Variants in PDS5B observed in about 807,000 individuals in gnomAD.
The protein encoded by PDS5B is PDS5 cohesin associated factor B.
PDS5B carries 51 observed loss-of-function variants against 184.1 expected under a neutral mutation model. The ratio of observed to expected loss-of-function variants is 0.28; its 90% CI spans 0.22 to 0.35. The LOEUF (loss-of-function observed/expected upper bound fraction) is 0.35, where lower values mean the gene tolerates loss of function less well. Ranked by LOEUF, PDS5B falls within the 10% of genes least tolerant of loss-of-function variation. The pLI is 1.00. For synonymous variants in PDS5B, 566 were observed against 569.2 expected (o/e 0.99, Z 0.08); for missense variants, 1,180 against 1,723.3 (o/e 0.68, Z 5.58).
chr13:32,683,103 C>T (rs1951291455), intron 10 of PDS5B, among the ~76,000 whole-genome samples: 1 of 152,078 alleles, frequency 6.6e-6, no homozygotes. Context: ...ACCTCCACCT[C>T]CTGGGTTCAA....
intron 1 of PDS5B, among the ~76,000 whole-genome samples, chr13:32,609,605 C>T (rs959272672): frequency 2.0e-5 from 3 of 152,202 alleles, no homozygotes; most frequent in Admixed American, 6.5e-5. Context: ...TGACTTTAAC[C>T]ATAGTCCATG....
chr13:32,735,386 T>C (rs1432041244), intron 21 of PDS5B, 56 bp downstream of exon 21: 5 of 1,247,082 alleles, frequency 4.0e-6, no homozygotes, highest in South Asian at 1.5e-5. Flanking sequence ...TGCAATTTTA[T>C]CCAACAAGGA....
chr13:32,624,521 GATTTC>G (rs1244504847), intron 1 of PDS5B, among the ~76,000 whole-genome samples: 1 of 152,068 alleles, frequency 6.6e-6, no homozygotes, highest in African/African-American at 2.4e-5. Context: ...CTGATTTTGT[GATTTC>G]ATTTTTAAAA....
intron 19 of PDS5B, among the ~76,000 whole-genome samples, chr13:32,727,766 C>T (rs148861006): frequency 0.011 from 1,681 of 151,694 alleles, 32 homozygotes; most frequent in African/African-American, 0.039. Flanking sequence ...AATGGTTTAT[C>T]TTTTTTCTGC....
intron 23 of PDS5B, among the ~76,000 whole-genome samples, chr13:32,743,362 G>A (rs189518962): frequency 6.6e-6 from 1 of 152,094 alleles, no homozygotes; most frequent in East Asian, 1.9e-4. Context: ...GGCTCATCTA[G>A]CTGTTATGAT....
chr13:32,645,895 T>C (rs1200678408), intron 1 of PDS5B, among the ~76,000 whole-genome samples: 1 of 152,156 alleles, frequency 6.6e-6, no homozygotes, highest in African/African-American at 2.4e-5. Flanking sequence ...TGTCATAGAT[T>C]AGGTTTCTCT....
chr13:32,762,262 C>T (rs939220754), intron 30 of PDS5B, among the ~76,000 whole-genome samples: 4 of 152,166 alleles, frequency 2.6e-5, no homozygotes, highest in African/African-American at 9.7e-5. Context: ...TAAACTGCCA[C>T]TATTTATTGA....
chr13:32,732,043 A>C, intron 19 of PDS5B, 58 bp from the exon 20 acceptor site: 1 of 1,413,188 alleles, frequency 7.1e-7, no homozygotes, highest in Non-Finnish European at 9.8e-7. Context: ...TAAAGTATCT[A>C]GCAGAAGTCT....
intron 9 of PDS5B, among the ~76,000 whole-genome samples, chr13:32,677,732 C>G (rs1433985339): frequency 6.6e-6 from 1 of 150,978 alleles, no homozygotes; most frequent in African/African-American, 2.4e-5. Context: ...AAGACTTTTT[C>G]CCACTCCTTT....
rs138850221 is a variant in PDS5B at position 32,645,992 on chromosome 13, GGGTGTGT to G, written c.-19-2739_-19-2733del. On this transcript the variant is annotated intron_variant, in intron 1 of 34. Coordinates refer to ENST00000315596, the MANE Select transcript of PDS5B (RefSeq NM_015032.4). ...CTTTGATGTGTGTGTGTGGGTGTGT[GGGTGTGT>G]GGTGTGTGGTGTGTGGTGTGTGTTG... Among the ~76,000 whole-genome samples, 888 of 150,290 alleles carry G rather than the reference GGGTGTGT, an allele frequency of 5.9e-3. 10 individuals are homozygous for G. Among genetic ancestry groups the G allele is most frequent in the African/African-American group, 0.019 (796 of 40,896 alleles).
chr13:32,662,873 A>G (rs2064370297), intron 6 of PDS5B, among the ~76,000 whole-genome samples: 1 of 152,154 alleles, frequency 6.6e-6, no homozygotes, highest in Admixed American at 6.5e-5. Flanking sequence ...AAAAAAGGAA[A>G]TGGTGTCTAT....
intron 1 of PDS5B, among the ~76,000 whole-genome samples, chr13:32,611,915 C>T (rs1412289734): frequency 6.6e-6 from 1 of 152,140 alleles, no homozygotes; most frequent in Non-Finnish European, 1.5e-5. Context: ...CCCTCTCCAG[C>T]AGAATCTTTA....
chr13:32,767,710 C>T (rs1954628864), intron 31 of PDS5B, among the ~76,000 whole-genome samples: 1 of 151,946 alleles, frequency 6.6e-6, no homozygotes, highest in African/African-American at 2.4e-5. Flanking sequence ...AATCTCAAAA[C>T]TGGAAGACTT....
At chr13:32,687,527 C>A (rs3848085) in intron 12 of PDS5B, among the ~76,000 whole-genome samples, 66,546 of 151,806 alleles carry the variant, frequency 0.44, 14,983 homozygotes, top group African/African-American at 0.5. Flanking sequence ...TTTGAACAGT[C>A]ATATCTAAAA....
chr13:32,658,663 T>C, intron 5 of PDS5B, 132 bp downstream of exon 5: 2 of 550,072 alleles, frequency 3.6e-6, no homozygotes, highest in Non-Finnish European at 6.5e-6. Flanking sequence ...ACTTTATTTT[T>C]ATACATGTTT....
intron 9 of PDS5B, among the ~76,000 whole-genome samples, chr13:32,678,214 T>C (rs1445135302): frequency 1.3e-5 from 2 of 152,180 alleles, no homozygotes; most frequent in Non-Finnish European, 2.9e-5. Flanking sequence ...AACAAAAGAT[T>C]TGAGGCTTAA....
intron 16 of PDS5B, 72 bp downstream of exon 16, chr13:32,699,941 G>A: frequency 2.2e-6 from 3 of 1,341,242 alleles, no homozygotes; most frequent in Non-Finnish European, 3.0e-6. Context: ...TTTTATAAAA[G>A]TAATTTATAT....
At chr13:32,720,949 C>T (rs998340873) in intron 19 of PDS5B, among the ~76,000 whole-genome samples, 2 of 151,128 alleles carry the variant, frequency 1.3e-5, no homozygotes, top group Admixed American at 6.6e-5. Flanking sequence ...TCAGAGAGCA[C>T]GGGGTTGGGG....
Position 32,683,899 on chromosome 13 carries a change from A to G in PDS5B, c.1079A>G (p.His360Arg), listed in dbSNP as rs1307278458. ...DLTEYLKVRSHDPEEAIRHDV... is the reference protein window; with the variant it reads ...DLTEYLKVRSRDPEEAIRHDV... ...TCAGAGTATCTTAAAGTGAGGTCACATGACCCTGAGGAAGCTATTAGACAT... is the reference window on the plus strand; with the variant it reads ...TCAGAGTATCTTAAAGTGAGGTCACGTGACCCTGAGGAAGCTATTAGACAT... The change falls in exon 11 of 35, where the codon CAT becomes CGT. Residue 360 changes from histidine to arginine, a missense_variant. Around this residue, in one of 11 missense-constraint regions of PDS5B, gnomAD observed 475 missense variants for 691.5 expected, o/e 0.69. Transcript: ENST00000315596. 1.3e-6 allele frequency: 2 copies of G among 1,598,080 alleles called. No individual in the cohort carries two copies. Among genetic ancestry groups the G allele is most frequent in the Non-Finnish European group, 8.6e-7 (1 of 1,168,586 alleles).
Sources: gnomAD v4.1 joint callset for allele counts (sites outside exome capture counted in the v4.1 genomes callset) on GRCh38, gnomAD v4.1.1 for gene constraint, gnomAD v4.1.1 regional missense constraint, MANE v1.5 for transcripts, NCBI Gene and HGNC (gene_info 2026-07-23, HGNC 2026-07-21) for gene names.